Variants in EARS2 observed in about 807,000 individuals in gnomAD.
EARS2 encodes the protein glutamyl-tRNA synthetase 2, mitochondrial, also known as nondiscriminating glutamyl-tRNA synthetase EARS2, mitochondrial.
A neutral mutation model predicts 54.1 loss-of-function variants in EARS2; 50 were observed. The observed-to-expected ratio is 0.92, with a 90% CI of 0.74 to 1.17. The LOEUF (loss-of-function observed/expected upper bound fraction) is 1.17, where lower values mean the gene tolerates loss of function less well. EARS2 is among the 50% of genes most tolerant of loss of function. The probability of loss-of-function intolerance (pLI) is 0.00; values close to 1 mark genes in which losing one functional copy is unlikely to be tolerated. For missense variants in EARS2, 673 were observed against 675.0 expected (o/e 1.00, Z 0.03); for synonymous variants, 298 against 281.0 (o/e 1.06, Z -0.61).
At chr16:23,539,229 G>C (rs189915340) in intron 3 of EARS2, among the ~76,000 whole-genome samples, 1 of 152,184 alleles carries the variant, frequency 6.6e-6, no homozygotes, top group East Asian at 1.9e-4. Flanking sequence ...AGCTAGTACT[G>C]TTTAAGGCCC....
Position 23,521,561 on chromosome 16 carries a change from G to A in EARS2, c.*2810C>T, listed in dbSNP as rs1247729890. ...CTACAGGCATATGTCACCTCACCTG[G>A]CTAATTTTTAAATTTTTTGTAGAGA... On this transcript the variant is annotated 3_prime_UTR_variant, in exon 9 of 9. Coordinates refer to ENST00000449606, the MANE Select transcript of EARS2 (RefSeq NM_001083614.2). 2.0e-5 allele frequency among the ~76,000 whole-genome samples: 3 copies of A among 151,936 alleles called. No homozygotes were observed. The highest frequency in any genetic ancestry group is 3.9e-4 in the East Asian group (2 of 5,186).
chr16:23,538,963 G>T (rs1226687400), intron 3 of EARS2, among the ~76,000 whole-genome samples: 2 of 144,610 alleles, frequency 1.4e-5, no homozygotes, highest in African/African-American at 5.1e-5. Flanking sequence ...CAACAGTTAT[G>T]GCCCCCCTCC....
chr16:23,532,618 G>A, intron 5 of EARS2, 39 bp downstream of exon 5: 1 of 1,496,146 alleles, frequency 6.7e-7, no homozygotes, highest in Non-Finnish European at 9.3e-7. Context: ...AAGCAAGAAA[G>A]CCCTTTGCCA....
At chr16:23,549,019 A>C (rs562460026) in intron 2 of EARS2, among the ~76,000 whole-genome samples, 1 of 152,228 alleles carries the variant, frequency 6.6e-6, no homozygotes, top group East Asian at 1.9e-4. Flanking sequence ...ACTCTATGGT[A>C]CCTGCACACC....
rs1965390258 is a variant in EARS2, at chr16:23,535,018, C to T, written c.828G>A (p.Leu276=). 6.2e-7 allele frequency: 1 copy of T among 1,612,322 alleles called. No homozygotes were observed. Among genetic ancestry groups the T allele is most frequent in the African/African-American group, 1.3e-5 (1 of 74,890 alleles). Residue 276 remains leucine (L), a synonymous_variant, in exon 4 of 9, where the codon CTG becomes CTA. Transcript: ENST00000449606. ...WQPPHFAHLP[L]LLNRDGSKLS... is the part of the protein sequence containing the mutation. ...GCTTGCTGCCATCCCTGTTGAGGAG[C>T]AGGGGCAGGTGGGCGAAGTGGGGTG... is the stretch of plus-strand genomic sequence containing the variant.
At chr16:23,544,771 CT>C (rs1965575685) in intron 2 of EARS2, 68 bp from the exon 3 acceptor site, 3 of 1,343,758 alleles carry the variant, frequency 2.2e-6, no homozygotes, top group African/African-American at 1.5e-5. Flanking sequence ...GCTCTAAGCA[CT>C]TTATGCACAT....
At chr16:23,535,574 G>A (rs990217327) in intron 3 of EARS2, 8 of 589,130 alleles carry the variant, frequency 1.4e-5, no homozygotes, top group Admixed American at 1.2e-4. Flanking sequence ...GCCATTCCAC[G>A]CTTCTTCCTT....
intron 8 of EARS2, chr16:23,524,881 G>A (rs914830540): frequency 2.3e-6 from 1 of 442,312 alleles, no homozygotes; most frequent in African/African-American, 2.0e-5. Context: ...CTGACCTCAG[G>A]TGATCCACCT....
At chr16:23,530,477 G>A (rs935183754) in intron 5 of EARS2, among the ~76,000 whole-genome samples, 4 of 152,028 alleles carry the variant, frequency 2.6e-5, no homozygotes, top group Admixed American at 6.6e-5. Context: ...TTTTTGAGAC[G>A]GAGCCTCACT....
Position 23,521,455 on chromosome 16 carries a change from A to G in EARS2, c.*2916T>C, listed in dbSNP as rs567730691. 5.3e-5 allele frequency among the ~76,000 whole-genome samples: 8 copies of G among 151,526 alleles called. No individual in the cohort carries two copies. In the East Asian group the frequency reaches 1.6e-3, roughly 30 times the overall value. On this transcript the variant is annotated 3_prime_UTR_variant, in exon 9 of 9. Coordinates refer to ENST00000449606, the MANE Select transcript of EARS2 (RefSeq NM_001083614.2). ...TGCTCTGTTGCCCAGGTTAGAGTGC[A>G]GTAGTGCATTCATAGCTCACTGCAG... is the stretch of plus-strand genomic sequence containing the variant.
intron 2 of EARS2, among the ~76,000 whole-genome samples, chr16:23,551,482 G>T (rs1383626818): frequency 1.3e-5 from 2 of 152,142 alleles, no homozygotes; most frequent in African/African-American, 4.8e-5. Context: ...CAGGCGTGGT[G>T]GTGCGTGCCT....
At chr16:23,542,751 C>T (rs897100663) in intron 3 of EARS2, among the ~76,000 whole-genome samples, 2 of 152,150 alleles carry the variant, frequency 1.3e-5, no homozygotes, top group African/African-American at 4.8e-5. Flanking sequence ...GTCCCCTCCC[C>T]TTGAGTGTGG....
chr16:23,524,316 G>A lies in EARS2; in HGVS notation c.*55C>T. The A allele has an allele frequency of 1.3e-6, 2 of 1,521,748 alleles. No individual in the cohort carries two copies. The highest frequency in any genetic ancestry group is 1.8e-6 in the Non-Finnish European group (2 of 1,096,406). 94.3% of individuals were successfully genotyped at this position (1,521,748 alleles called of 1,614,324 possible). A position where few individuals can be genotyped will look rare whatever the true frequency, so the allele number is the denominator to read the frequency against. ...GGCCTCCTTCTGGTCTCTGAAAGCT[G>A]TTTCTAAGCTCACAGGTTCTTAGGG... is the stretch of plus-strand genomic sequence containing the variant. On this transcript the variant is annotated 3_prime_UTR_variant, in exon 9 of 9. Coordinates refer to ENST00000449606, the MANE Select transcript of EARS2 (RefSeq NM_001083614.2).
chr16:23,540,949 C>T (rs1055398193), intron 3 of EARS2, among the ~76,000 whole-genome samples: 1 of 152,122 alleles, frequency 6.6e-6, no homozygotes, highest in African/African-American at 2.4e-5. Flanking sequence ...CAAGATCACA[C>T]CACTGCACAC....
intron 1 of EARS2, among the ~76,000 whole-genome samples, chr16:23,555,722 T>C (rs906114120): frequency 6.6e-6 from 1 of 152,236 alleles, no homozygotes; most frequent in Non-Finnish European, 1.5e-5. Context: ...GGAGTCTCAC[T>C]CTGTCACCCG....
At position 23,532,679 on chromosome 16, in the gene EARS2, C is replaced by T. The variant is rs187662524; in HGVS notation, c.1045G>A (p.Glu349Lys). Residue 349 changes from glutamate to lysine, a missense_variant, in exon 5 of 9, where the codon GAG (glutamate) becomes AAG (lysine). Physicochemically the swap from Glu to Lys is moderately conservative, Grantham distance 56. This residue lies in a region of EARS2 where 338 missense variants were observed against 361.2 expected (regional missense o/e 0.94). Transcript: ENST00000449606. Reference protein sequence around the residue: ...VTCHSALLDLEKLPEFNRLHL... With the variant: ...VTCHSALLDLKKLPEFNRLHL... ...CACCTGTTGAATTCTGGGAGCTTCT[C>T]CAGGTCCAGCAGGGCTGAGTGACAG... 2,416 of 1,613,952 alleles carry T rather than the reference C, an allele frequency of 1.5e-3. 4 individuals are homozygous for T. The highest frequency in any genetic ancestry group is 1.8e-3 in the Middle Eastern group (11 of 6,060).
In EARS2 at chr16:23,532,709, C is replaced by A. The variant is rs113593303; in HGVS notation, c.1015G>T (p.Val339Phe). The A allele has an allele frequency of 6.2e-7, 1 of 1,614,116 alleles. No individual in the cohort carries two copies. The highest frequency in any genetic ancestry group is 8.5e-7 in the Non-Finnish European group (1 of 1,180,002). The change falls in exon 5 of 9, where the codon GTC becomes TTC. Residue 339 changes from valine to phenylalanine, a missense_variant. Physicochemically the swap from Val to Phe is conservative, Grantham distance 50. Transcript: ENST00000449606. The stretch of plus-strand genomic sequence containing the variant: ...TCCAGCAGGGCTGAGTGACAGGTGA[C>A]CTGTGTCAGGTTGAACTGTGTGATC... ...ELITQFNLTQ[V>F]TCHSALLDLE... is the part of the protein sequence containing the mutation.
chr16:23,543,923 G>A (rs950513859), intron 3 of EARS2, among the ~76,000 whole-genome samples: 3 of 152,058 alleles, frequency 2.0e-5, no homozygotes, highest in African/African-American at 4.8e-5. Flanking sequence ...TGTATAAGGC[G>A]TACATGAAAC....
intron 1 of EARS2, among the ~76,000 whole-genome samples, chr16:23,554,830 C>T (rs1320902080): frequency 2.6e-5 from 4 of 152,190 alleles, no homozygotes; most frequent in African/African-American, 9.7e-5. Context: ...GCTTCTATTT[C>T]CTCATCTGTC....
Sources: gnomAD v4.1 joint callset for allele counts (sites outside exome capture counted in the v4.1 genomes callset) on GRCh38, gnomAD v4.1.1 for gene constraint, gnomAD v4.1.1 regional missense constraint, MANE v1.5 for transcripts, NCBI Gene and HGNC (gene_info 2026-07-23, HGNC 2026-07-21) for gene names.